FOXP2: variants seen among roughly 807,000 people sequenced by gnomAD.
FOXP2 encodes the protein forkhead box P2.
FOXP2 carries 12 observed loss-of-function variants against 115.8 expected under a neutral mutation model. The observed-to-expected ratio is 0.10, with a 90% confidence interval of 0.07 to 0.17. The LOEUF is 0.17. Ranked by LOEUF, FOXP2 falls within the 10% of genes least tolerant of loss-of-function variation. The pLI is 1.00. For missense variants in FOXP2, 629 were observed against 843.5 expected, an observed-to-expected ratio of 0.75 and a Z score of 3.15; for synonymous variants, 328 against 297.7, an observed-to-expected ratio of 1.10 and a Z score of -1.05.
At chr7:114,512,952 C>G (rs192277383) in intron 2 of FOXP2, among the ~76,000 whole-genome samples, 3 of 151,888 alleles carry the variant, frequency 2.0e-5, no homozygotes, top group African/African-American at 7.3e-5. Flanking sequence ...AGTGGTGGCA[C>G]GCACCTGTAG....
intron 3 of FOXP2, chr7:114,570,790 C>G: frequency 6.2e-7 from 1 of 1,605,920 alleles, no homozygotes; most frequent in Non-Finnish European, 8.5e-7. Flanking sequence ...ACTCCTGATT[C>G]TCTTTGTTTA....
chr7:114,619,741 TAAAC>T lies in FOXP2; in HGVS notation c.259-8798_259-8795del, dbSNP rs139740055. ...TAGCTGTAATGTTTGAAAGTATGAATAAACTGGCTGTGAAAGTATTGTCCAAAAG... is the reference window on the plus strand; with the variant it reads ...TAGCTGTAATGTTTGAAAGTATGAATTGGCTGTGAAAGTATTGTCCAAAAG... On this transcript the variant is annotated intron_variant, in intron 3 of 16. Coordinates refer to ENST00000350908, the MANE Select transcript of FOXP2 (RefSeq NM_014491.4). Among the ~76,000 whole-genome samples the T allele has an allele frequency of 9.6e-3, 1,456 of 152,152 alleles. 19 individuals carry two copies. Among genetic ancestry groups the T allele is most frequent in the African/African-American group, 0.033 (1,355 of 41,550 alleles).
At chr7:114,260,710 C>T (rs77371946) in intron 1 of FOXP2, among the ~76,000 whole-genome samples, 1 of 152,066 alleles carries the variant, frequency 6.6e-6, no homozygotes, top group South Asian at 2.1e-4. Context: ...CACAAACACA[C>T]ACACACCTTT....
At chr7:114,541,851 C>G (rs1056551112) in intron 3 of FOXP2, among the ~76,000 whole-genome samples, 1 of 151,310 alleles carries the variant, frequency 6.6e-6, no homozygotes, top group Non-Finnish European at 1.5e-5. Flanking sequence ...TCTACCTTAA[C>G]TAAAGTGAGA....
intron 3 of FOXP2, among the ~76,000 whole-genome samples, chr7:114,566,217 G>A (rs139865031): frequency 1.3e-5 from 2 of 152,232 alleles, no homozygotes; most frequent in African/African-American, 4.8e-5. Context: ...GTTTTATAAC[G>A]TGAAGAATGT....
At chr7:114,641,457 G>T (rs983949991) in intron 6 of FOXP2, among the ~76,000 whole-genome samples, 8 of 152,138 alleles carry the variant, frequency 5.3e-5, no homozygotes, top group African/African-American at 1.9e-4. Flanking sequence ...TGAAGGAGAA[G>T]TTTAGATATA....
At chr7:114,463,481 T>C (rs1043336867) in intron 2 of FOXP2, among the ~76,000 whole-genome samples, 1 of 152,168 alleles carries the variant, frequency 6.6e-6, no homozygotes, top group Non-Finnish European at 1.5e-5. Flanking sequence ...TAAATATAAA[T>C]GGGTACATGT....
intron 1 of FOXP2, among the ~76,000 whole-genome samples, chr7:114,156,330 G>A (rs1413257094): frequency 1.3e-5 from 2 of 152,136 alleles, no homozygotes; most frequent in African/African-American, 4.8e-5. Flanking sequence ...CTCTGCTCAT[G>A]TCTGACTAGC....
chr7:114,666,516 C>T (rs1355825481), intron 16 of FOXP2: 4 of 152,026 alleles, frequency 2.6e-5, no homozygotes, highest in Non-Finnish European at 5.9e-5. Flanking sequence ...ATATAATTCT[C>T]TCAGTCAAAA....
At chr7:114,516,730 C>T (rs1041363254) in intron 2 of FOXP2, among the ~76,000 whole-genome samples, 1 of 151,636 alleles carries the variant, frequency 6.6e-6, no homozygotes, top group Non-Finnish European at 1.5e-5. Context: ...GAGTCTCACA[C>T]TGTTGCCAAG....
chr7:114,282,551 C>T (rs1796365705), intron 1 of FOXP2, among the ~76,000 whole-genome samples: 1 of 152,080 alleles, frequency 6.6e-6, no homozygotes, highest in Admixed American at 6.5e-5. Context: ...TTTTTAAATT[C>T]CCATGCCTGT....
At chr7:114,462,651 G>GT (rs1223343703) in intron 2 of FOXP2, among the ~76,000 whole-genome samples, 1 of 152,202 alleles carries the variant, frequency 6.6e-6, no homozygotes, top group South Asian at 2.1e-4. Flanking sequence ...GATTACAGGC[G>GT]TGAGCCACCG....
At chr7:114,378,684 C>CAAAAAAAAAAATAAAAAAAAAA (rs1792201275) in intron 2 of FOXP2, among the ~76,000 whole-genome samples, 1 of 18,094 alleles carries the variant, frequency 5.5e-5, no homozygotes, top group African/African-American at 1.9e-4. Context: ...ACCCTGTCTC[C>CAAAAAAAAAAATAAAAAAAAAA]AAAAAAAAAA....
intron 2 of FOXP2, among the ~76,000 whole-genome samples, chr7:114,385,260 G>A (rs371413072): frequency 2.0e-5 from 3 of 152,248 alleles, no homozygotes; most frequent in African/African-American, 4.8e-5. Flanking sequence ...GATACAACTT[G>A]CTAGAGGAAA....
intron 3 of FOXP2, among the ~76,000 whole-genome samples, chr7:114,577,512 A>T (rs1188196058): frequency 6.6e-6 from 1 of 152,028 alleles, no homozygotes; most frequent in Non-Finnish European, 1.5e-5. Context: ...ATACCAAGCT[A>T]GAGAATTCAA....
chr7:114,327,801 CTTTTG>C lies in FOXP2; in HGVS notation c.-11+39709_-11+39713del, dbSNP rs3997271. On this transcript the variant is annotated intron_variant, in intron 2 of 17. Coordinates refer to the FOXP2 transcript ENST00000634411. The stretch of plus-strand genomic sequence containing the variant: ...AGGTGTGAGCCACTGCGCCTGGCCT[CTTTTG>C]TTTTGTTTTGTTTTGTCTTGTCTTT... 6.1e-3 allele frequency among the ~76,000 whole-genome samples: 922 copies of C among 150,114 alleles called. 5 individuals are homozygous for C. Among genetic ancestry groups the C allele is most frequent in the African/African-American group, 0.021 (865 of 40,980 alleles).
intron 6 of FOXP2, among the ~76,000 whole-genome samples, chr7:114,636,645 T>C (rs1805236896): frequency 6.6e-6 from 1 of 150,532 alleles, no homozygotes; most frequent in Non-Finnish European, 1.5e-5. Flanking sequence ...TTTTTGAGTG[T>C]AAAAAAGCTG....
intron 1 of FOXP2, among the ~76,000 whole-genome samples, chr7:114,181,700 T>TA (rs1249705813): frequency 6.6e-6 from 1 of 152,094 alleles, no homozygotes; most frequent in Non-Finnish European, 1.5e-5. Context: ...TTTTGTTTGA[T>TA]ACAGTCATTG....
chr7:114,598,854 T>C (rs995835646), intron 3 of FOXP2, among the ~76,000 whole-genome samples: 1 of 152,150 alleles, frequency 6.6e-6, no homozygotes, highest in East Asian at 1.9e-4. Flanking sequence ...ACCATTCAGA[T>C]TGTAAAATAG....
Sources: allele counts gnomAD v4.1 joint callset (sites outside exome capture counted in the v4.1 genomes callset), GRCh38; gene constraint gnomAD v4.1.1; transcripts MANE v1.5; gene names NCBI Gene and HGNC (gene_info 2026-07-23, HGNC 2026-07-21).